Variants in GJB7 observed in about 807,000 individuals in gnomAD.
GJB7 encodes gap junction protein beta 7.
For missense variants in GJB7, 253 were observed against 256.8 expected (o/e 0.99, Z 0.10); for synonymous variants, 87 against 95.2 (o/e 0.91, Z 0.50).
intron 1 of GJB7, among the ~76,000 whole-genome samples, chr6:87,324,121 CTTTG>C (rs1175770420): frequency 2.0e-5 from 3 of 151,500 alleles, no homozygotes; most frequent in Non-Finnish European, 4.4e-5. Flanking sequence ...TGATGGGGTT[CTTTG>C]TTTTTGTCTT....
chr6:87,298,749 C>A, intron 2 of GJB7: 1 of 222,114 alleles, frequency 4.5e-6, no homozygotes. Flanking sequence ...ACCGCACCCA[C>A]GCCTCGCTGC....
chr6:87,294,443 GAGA>G (rs1271470407), intron 2 of GJB7, among the ~76,000 whole-genome samples: 2 of 152,232 alleles, frequency 1.3e-5, no homozygotes, highest in Admixed American at 6.5e-5. Context: ...GATGCCCTAT[GAGA>G]AGAACATGGT....
intron 2 of GJB7, among the ~76,000 whole-genome samples, chr6:87,316,779 T>G (rs1436639791): frequency 2.6e-5 from 4 of 152,246 alleles, no homozygotes; most frequent in Middle Eastern, 3.2e-3. Flanking sequence ...ACTGGCCCCA[T>G]CTGTTTCTCC....
intron 2 of GJB7, among the ~76,000 whole-genome samples, chr6:87,290,900 A>G (rs1465815063): frequency 6.6e-6 from 1 of 152,262 alleles, no homozygotes; most frequent in Non-Finnish European, 1.5e-5. Flanking sequence ...ACTTAAAATC[A>G]TAATGGAACC....
intron 1 of GJB7, among the ~76,000 whole-genome samples, chr6:87,328,577 C>T (rs1776901832): frequency 6.6e-6 from 1 of 152,086 alleles, no homozygotes; most frequent in Non-Finnish European, 1.5e-5. Flanking sequence ...GGTCAGGGGT[C>T]AGGGACCCAC....
chr6:87,305,745 C>T (rs1227909066), intron 2 of GJB7, among the ~76,000 whole-genome samples: 1 of 152,176 alleles, frequency 6.6e-6, no homozygotes, highest in Non-Finnish European at 1.5e-5. Context: ...AAGAACAAAG[C>T]TGGAGGCATC....
At chr6:87,318,745 A>G (rs775785284) in intron 2 of GJB7, among the ~76,000 whole-genome samples, 3 of 152,222 alleles carry the variant, frequency 2.0e-5, no homozygotes, top group Non-Finnish European at 2.9e-5. Context: ...TCAAATTACC[A>G]AAACGTGTAA....
intron 1 of GJB7, among the ~76,000 whole-genome samples, chr6:87,324,517 T>C (rs2127914791): frequency 6.6e-6 from 1 of 151,068 alleles, no homozygotes; most frequent in East Asian, 1.9e-4. Flanking sequence ...CACCATTTAT[T>C]AAATAGGGAA....
At chr6:87,320,274 G>T (rs1776637076) in intron 2 of GJB7, among the ~76,000 whole-genome samples, 1 of 152,080 alleles carries the variant, frequency 6.6e-6, no homozygotes. Context: ...AATATCTCAT[G>T]TACCCCATAA....
At chr6:87,318,943 A>G (rs1001417461) in intron 2 of GJB7, among the ~76,000 whole-genome samples, 2 of 152,228 alleles carry the variant, frequency 1.3e-5, no homozygotes, top group Non-Finnish European at 2.9e-5. Context: ...TTTATTAAAT[A>G]TTGTCAACCA....
At chr6:87,308,185 T>C (rs908020805) in intron 2 of GJB7, among the ~76,000 whole-genome samples, 1 of 149,212 alleles carries the variant, frequency 6.7e-6, no homozygotes, top group African/African-American at 2.5e-5. Context: ...ATGAGAACAC[T>C]TGGACACAGG....
chr6:87,292,474 A>C (rs1776190498), intron 2 of GJB7, among the ~76,000 whole-genome samples: 2 of 152,176 alleles, frequency 1.3e-5, no homozygotes. Context: ...ATACTATTAT[A>C]AAAAAAGCTA....
At chr6:87,306,114 T>C (rs925859673) in intron 2 of GJB7, among the ~76,000 whole-genome samples, 1 of 151,906 alleles carries the variant, frequency 6.6e-6, no homozygotes, top group East Asian at 1.9e-4. Context: ...GACATAGGCA[T>C]GGGCAAGGAC....
At chr6:87,298,913 A>C (rs1776282728) in intron 2 of GJB7, 3 of 426,432 alleles carry the variant, frequency 7.0e-6, no homozygotes, top group South Asian at 6.0e-5. Flanking sequence ...TTTTTAGCAG[A>C]TGCTGTAGCT....
chr6:87,310,549 T>C (rs1776501625), intron 2 of GJB7, among the ~76,000 whole-genome samples: 1 of 152,108 alleles, frequency 6.6e-6, no homozygotes, highest in Admixed American at 6.6e-5. Flanking sequence ...TTGGGTACCA[T>C]GTACACTGCT....
At chr6:87,309,303 G>A (rs1048199680) in intron 2 of GJB7, among the ~76,000 whole-genome samples, 1 of 152,208 alleles carries the variant, frequency 6.6e-6, no homozygotes, top group Admixed American at 6.5e-5. Context: ...TTGTCACCAA[G>A]GTCAGAGGCA....
intron 2 of GJB7, among the ~76,000 whole-genome samples, chr6:87,311,498 A>G (rs1776512059): frequency 6.6e-6 from 1 of 152,194 alleles, no homozygotes; most frequent in South Asian, 2.1e-4. Flanking sequence ...TGTCTCTAAA[A>G]AGAGAAATCA....
chr6:87,311,055 A>G (rs1179514477), intron 2 of GJB7, among the ~76,000 whole-genome samples: 5 of 152,210 alleles, frequency 3.3e-5, no homozygotes, highest in Non-Finnish European at 7.3e-5. Flanking sequence ...AGCATATGAA[A>G]AGAGAATAAT....
At chr6:87,286,238 A>G (rs1776058030) in intron 2 of GJB7, among the ~76,000 whole-genome samples, 1 of 152,204 alleles carries the variant, frequency 6.6e-6, no homozygotes. Context: ...AGAATTCTGA[A>G]CTTGATACAT....
Sources: gnomAD v4.1 joint callset for allele counts (sites outside exome capture counted in the v4.1 genomes callset) on GRCh38, gnomAD v4.1.1 for gene constraint, MANE v1.5 for transcripts, NCBI Gene and HGNC (gene_info 2026-07-23, HGNC 2026-07-21) for gene names.